CCDC150: variants seen among roughly 807,000 people sequenced by gnomAD.
CCDC150 encodes coiled-coil domain-containing protein 150.
In CCDC150, 151 loss-of-function variants were observed where a neutral mutation model predicts 156.5. That is an observed-to-expected ratio of 0.97 (90% confidence interval 0.85 to 1.10). The LOEUF is 1.10. Among genes scored for constraint, CCDC150 ranks in the 50% least tolerant of loss-of-function variants. The pLI is 0.00. For missense variants in CCDC150, 1,312 were observed against 1,268.1 expected (o/e 1.03, Z -0.53); for synonymous variants, 452 against 429.4 (o/e 1.05, Z -0.65).
At chr2:196,677,968 C>T (rs1192955799) in intron 13 of CCDC150, among the ~76,000 whole-genome samples, 4 of 151,390 alleles carry the variant, frequency 2.6e-5, no homozygotes, top group Admixed American at 6.6e-5. Flanking sequence ...CCATCCTGGG[C>T]GACAGAGCAA....
At chr2:196,675,924 A>G (rs917456668) in intron 10 of CCDC150, among the ~76,000 whole-genome samples, 9 of 152,206 alleles carry the variant, frequency 5.9e-5, no homozygotes, top group Admixed American at 4.6e-4. Flanking sequence ...CATCTTGACT[A>G]TTGGCTAGTA....
In CCDC150 at chr2:196,721,626, G is replaced by A; in HGVS notation, c.2364G>A (p.Lys788=). 2 of 1,605,374 alleles carry A rather than the reference G, an allele frequency of 1.2e-6. No homozygotes were observed. The highest frequency in any genetic ancestry group is 2.3e-5 in the South Asian group (2 of 88,624). Residue 788 remains lysine (K), a synonymous_variant, in exon 21 of 28, where the codon AAG becomes AAA. Coordinates refer to ENST00000389175, the MANE Select transcript of CCDC150 (RefSeq NM_001080539.2). ...ALQTNNHLQT[K]LDHIQEQLES... is the part of the protein sequence containing the mutation. ...AGACAAATAATCATCTGCAAACAAAGCTAGATCACATTCAAGAGCAATTGG... is the reference window on the plus strand; with the variant it reads ...AGACAAATAATCATCTGCAAACAAAACTAGATCACATTCAAGAGCAATTGG...
chr2:196,702,260 G>T (rs13017141), intron 15 of CCDC150, among the ~76,000 whole-genome samples: 2 of 151,682 alleles, frequency 1.3e-5, no homozygotes, highest in Non-Finnish European at 2.9e-5. Flanking sequence ...AGAAAAAAAT[G>T]AAGGGGGAAA....
At chr2:196,726,251 C>A in intron 22 of CCDC150, 152 bp downstream of exon 22, 1 of 802,828 alleles carries the variant, frequency 1.2e-6, no homozygotes, top group Non-Finnish European at 1.9e-6. Flanking sequence ...TGTAAAGCAA[C>A]ACACAAGAAA....
At chr2:196,730,815 T>C (rs992141627) in intron 25 of CCDC150, 44 bp from the exon 26 acceptor site, 5 of 1,428,156 alleles carry the variant, frequency 3.5e-6, no homozygotes, top group East Asian at 2.5e-5. Flanking sequence ...TGGTTTCTTA[T>C]GGTATGTTGG....
intron 1 of CCDC150, among the ~76,000 whole-genome samples, chr2:196,645,078 C>T (rs1336069386): frequency 1.3e-5 from 2 of 151,976 alleles, no homozygotes; most frequent in African/African-American, 2.4e-5. Flanking sequence ...GAGCCAAGAT[C>T]GCTCCATTTC....
intron 1 of CCDC150, among the ~76,000 whole-genome samples, chr2:196,644,792 T>C (rs927514706): frequency 3.3e-5 from 5 of 151,804 alleles, no homozygotes; most frequent in Non-Finnish European, 7.4e-5. Context: ...GAAAGAAAAA[T>C]TCTGGTCAGA....
chr2:196,692,514 G>A (rs990506569), intron 13 of CCDC150, among the ~76,000 whole-genome samples: 2 of 152,138 alleles, frequency 1.3e-5, no homozygotes, highest in Admixed American at 1.3e-4. Flanking sequence ...CAGAGATTCA[G>A]GTATGTTATC....
rs200495595 is a variant in CCDC150 at position 196,721,638 on chromosome 2, T to C, written c.2376T>C (p.Ile792=). ...ATCTGCAAACAAAGCTAGATCACAT[T>C]CAAGAGCAATTGGAAAGCAAAGAAC... is the stretch of plus-strand genomic sequence containing the variant. The part of the protein sequence containing the change: ...NNHLQTKLDH[I]QEQLESKELE... Residue 792 remains isoleucine, a synonymous_variant, in exon 21 of 28, where the codon ATT becomes ATC. Transcript: ENST00000389175. The C allele has an allele frequency of 8.6e-5, 138 of 1,604,046 alleles. No homozygotes were observed. The highest frequency in any genetic ancestry group is 1.1e-4 in the Non-Finnish European group (132 of 1,175,592).
At position 196,656,951 on chromosome 2, in the gene CCDC150, C is replaced by G. The variant is rs1389431303; in HGVS notation, c.398-7C>G. 6.2e-7 allele frequency: 1 copy of G among 1,613,068 alleles called. No homozygotes were observed. The highest frequency in any genetic ancestry group is 8.5e-7 in the Non-Finnish European group (1 of 1,179,492). ...CTGCTTGATGCCCCTCCTGTGCGGT[C>G]TGGTAGCTTTTCTGAAAGATCGACT... On this transcript the variant is annotated splice_polypyrimidine_tract_variant and splice_region_variant and intron_variant, in intron 3 of 27. Transcript: ENST00000389175.
At chr2:196,680,584 C>T (rs756556485) in intron 13 of CCDC150, among the ~76,000 whole-genome samples, 1 of 152,152 alleles carries the variant, frequency 6.6e-6, no homozygotes, top group African/African-American at 2.4e-5. Flanking sequence ...GGATTACAGG[C>T]GTGAGCCACC....
intron 17 of CCDC150, among the ~76,000 whole-genome samples, chr2:196,716,671 T>G (rs1430307916): frequency 6.6e-6 from 1 of 152,088 alleles, no homozygotes; most frequent in Non-Finnish European, 1.5e-5. Flanking sequence ...ATGATGGAAA[T>G]GTTCAATATC....
chr2:196,701,620 T>C (rs111263631), intron 15 of CCDC150, among the ~76,000 whole-genome samples: 1 of 152,194 alleles, frequency 6.6e-6, no homozygotes, highest in African/African-American at 2.4e-5. Context: ...GCAACTGATA[T>C]AGGTAAGCCT....
chr2:196,661,020 G>A (rs1693527102), intron 5 of CCDC150, among the ~76,000 whole-genome samples: 1 of 152,188 alleles, frequency 6.6e-6, no homozygotes, highest in Admixed American at 6.5e-5. Flanking sequence ...GCATGTGGAT[G>A]TCCAGTGTTT....
intron 1 of CCDC150, among the ~76,000 whole-genome samples, chr2:196,641,123 C>G (rs1692199694): frequency 6.7e-6 from 1 of 149,388 alleles, no homozygotes; most frequent in Non-Finnish European, 1.5e-5. Context: ...CCACCACGCC[C>G]GGCTAATTTT....
At chr2:196,667,227 T>C in intron 7 of CCDC150, 1 of 245,260 alleles carries the variant, frequency 4.1e-6, no homozygotes, top group Non-Finnish European at 8.0e-6. Context: ...TTATGGATTC[T>C]GTCAGTTCAT....
At chr2:196,642,082 A>G (rs1344905172) in intron 1 of CCDC150, among the ~76,000 whole-genome samples, 1 of 152,250 alleles carries the variant, frequency 6.6e-6, no homozygotes, top group Non-Finnish European at 1.5e-5. Context: ...TATGCATAGA[A>G]ATTAGTTATG....
chr2:196,677,222 G>A (rs931717859), intron 12 of CCDC150, 71 bp from the exon 13 acceptor site: 39 of 941,870 alleles, frequency 4.1e-5, no homozygotes, highest in Non-Finnish European at 6.6e-5. Flanking sequence ...CAGGATATGT[G>A]TGCTATAGTG....
Position 196,695,140 on chromosome 2 carries a change from T to A in CCDC150, c.1604T>A (p.Val535Asp), listed in dbSNP as rs1160513530. ...DQMASLELQQVTSDYHGLAQQ... is the reference protein window; with the variant it reads ...DQMASLELQQDTSDYHGLAQQ... ...ATGGCTTCCCTAGAACTTCAGCAAG[T>A]CACTTCTGATTACCATGGGGTGGGT... The change falls in exon 14 of 28, where the codon GTC becomes GAC. Residue 535 changes from valine (V) to aspartate (D), a missense_variant. By Grantham distance (152) the Val-to-Asp change is radical (BLOSUM62 -3). Coordinates refer to ENST00000389175, the MANE Select transcript of CCDC150 (RefSeq NM_001080539.2). The A allele has an allele frequency of 6.2e-7, 1 of 1,600,084 alleles. No homozygotes were observed. The highest frequency in any genetic ancestry group is 1.7e-5 in the Admixed American group (1 of 59,912).
Sources: allele counts gnomAD v4.1 joint callset (sites outside exome capture counted in the v4.1 genomes callset), GRCh38; gene constraint gnomAD v4.1.1; transcripts MANE v1.5; gene names NCBI Gene and HGNC (gene_info 2026-07-23, HGNC 2026-07-21).